The following EIF2AK4 variants were observed in gnomAD, a reference collection of about 807,000 sequenced individuals.
The protein encoded by EIF2AK4 is eukaryotic translation initiation factor 2 alpha kinase 4.
A neutral mutation model predicts 211.1 loss-of-function variants in EIF2AK4; 139 were observed. The observed-to-expected ratio is 0.66, with a 90% CI of 0.57 to 0.76. The LOEUF is 0.76. Among genes scored for constraint, EIF2AK4 ranks in the 30% least tolerant of loss-of-function variants. The probability of loss-of-function intolerance (pLI) is 0.00; values close to 1 mark genes in which losing one functional copy is unlikely to be tolerated. For synonymous variants in EIF2AK4, 710 were observed against 751.3 expected (o/e 0.94, Z 0.90); for missense variants, 1,664 against 2,043.8 (o/e 0.81, Z 3.58).
intron 2 of EIF2AK4, among the ~76,000 whole-genome samples, chr15:39,941,557 A>C (rs1261034090): frequency 6.6e-6 from 1 of 152,238 alleles, no homozygotes; most frequent in African/African-American, 2.4e-5. Flanking sequence ...ATAAAGAAAA[A>C]GGTATAAGTG....
intron 13 of EIF2AK4, among the ~76,000 whole-genome samples, chr15:39,978,558 G>A (rs1354902642): frequency 6.6e-6 from 1 of 152,144 alleles, no homozygotes; most frequent in African/African-American, 2.4e-5. Context: ...TATTTTCATA[G>A]ACCATCCTCT....
intron 2 of EIF2AK4, among the ~76,000 whole-genome samples, chr15:39,942,503 C>G (rs1017827628): frequency 6.6e-6 from 1 of 152,184 alleles, no homozygotes; most frequent in Admixed American, 6.5e-5. Flanking sequence ...AGTGCATACT[C>G]AAGACTTCAC....
chr15:40,002,243 T>C (rs1457707370), intron 21 of EIF2AK4: 2 of 152,478 alleles, frequency 1.3e-5, no homozygotes, highest in East Asian at 3.8e-4. Context: ...TTTTCTATAG[T>C]GAAATGGTAC....
At chr15:40,022,402 A>G in intron 31 of EIF2AK4, 117 bp from the exon 32 acceptor site, 2 of 866,386 alleles carry the variant, frequency 2.3e-6, no homozygotes, top group Non-Finnish European at 3.6e-6. Flanking sequence ...TGAAGTCAGC[A>G]TTTTAGTAAT....
chr15:40,023,126 T>C (rs763882241), intron 32 of EIF2AK4, among the ~76,000 whole-genome samples: 14 of 152,202 alleles, frequency 9.2e-5, no homozygotes, highest in African/African-American at 1.4e-4. Context: ...AAACTGGCTG[T>C]GGTTTTTTCC....
At chr15:39,952,420 C>T (rs1045435454) in intron 4 of EIF2AK4, among the ~76,000 whole-genome samples, 2 of 151,836 alleles carry the variant, frequency 1.3e-5, no homozygotes, top group African/African-American at 2.4e-5. Flanking sequence ...GGACTATAGC[C>T]GTACACCACT....
chr15:39,967,947 C>T (rs2034568635), intron 9 of EIF2AK4, 68 bp downstream of exon 9: 1 of 1,499,382 alleles, frequency 6.7e-7, no homozygotes, highest in Non-Finnish European at 9.1e-7. Context: ...TGGAGTGTGC[C>T]AGACATCTAA....
intron 13 of EIF2AK4, among the ~76,000 whole-genome samples, chr15:39,980,738 G>T (rs973516344): frequency 6.6e-6 from 1 of 152,098 alleles, no homozygotes; most frequent in Non-Finnish European, 1.5e-5. Context: ...ACCCATGCTG[G>T]AGTGCAGTGG....
Position 39,943,375 on chromosome 15 carries a change from T to C in EIF2AK4, c.258-8T>C. ...TCTTTTTTTTTTTTTTTTTTTTGCC[T>C]TTTCCAGAGTTCCTGAAATAGAGTT... is the stretch of plus-strand genomic sequence containing the variant. On this transcript the variant is annotated splice_polypyrimidine_tract_variant and splice_region_variant and intron_variant, in intron 2 of 38. Coordinates refer to ENST00000263791, the MANE Select transcript of EIF2AK4 (RefSeq NM_001013703.4). 7.6e-7 allele frequency: 1 copy of C among 1,308,610 alleles called. No homozygotes were observed. Among genetic ancestry groups the C allele is most frequent in the Non-Finnish European group, 1.0e-6 (1 of 964,450 alleles). The allele number at this position is 1,308,610 out of a possible 1,614,324, so 81.1% of individuals were successfully genotyped here.
intron 7 of EIF2AK4, among the ~76,000 whole-genome samples, chr15:39,963,598 G>A (rs1230637127): frequency 6.6e-6 from 1 of 151,996 alleles, no homozygotes; most frequent in Non-Finnish European, 1.5e-5. Flanking sequence ...AACAATATTT[G>A]TTTTTCATTT....
At chr15:40,004,571 T>C (rs2035134590) in intron 23 of EIF2AK4, among the ~76,000 whole-genome samples, 1 of 152,078 alleles carries the variant, frequency 6.6e-6, no homozygotes, top group Non-Finnish European at 1.5e-5. Context: ...TAGCCCAGTG[T>C]GGTGGCTCGT....
intron 1 of EIF2AK4, 133 bp downstream of exon 1, chr15:39,934,472 A>G: frequency 7.8e-7 from 1 of 1,279,754 alleles, no homozygotes; most frequent in Non-Finnish European, 1.0e-6. Context: ...GGTTCCACCC[A>G]TGCTCACTTT....
intron 32 of EIF2AK4, 76 bp downstream of exon 32, chr15:40,022,681 C>A (rs190548794): frequency 7.5e-7 from 1 of 1,332,076 alleles, no homozygotes; most frequent in Non-Finnish European, 1.1e-6. Flanking sequence ...CACTGAGGCC[C>A]GGGCCGTGTA....
intron 17 of EIF2AK4, 60 bp downstream of exon 17, chr15:39,992,289 T>C (rs950485779): frequency 4.9e-6 from 7 of 1,421,006 alleles, no homozygotes; most frequent in Non-Finnish European, 6.7e-6. Flanking sequence ...TTTCTTAACC[T>C]GAAACCTGTT....
chr15:39,959,100 G>T (rs560398680), intron 6 of EIF2AK4, among the ~76,000 whole-genome samples: 107 of 152,222 alleles, frequency 7.0e-4, no homozygotes, highest in Non-Finnish European at 1.2e-3. Context: ...CTGATAACAT[G>T]GGTGATATTT....
Position 40,017,139 on chromosome 15 carries a change from T to G in EIF2AK4, c.3962T>G (p.Val1321Gly). Reference protein sequence around the residue: ...VLINLGLVYKVQQHNGIIFQF... With the variant: ...VLINLGLVYKGQQHNGIIFQF... The stretch of plus-strand genomic sequence containing the variant: ...ATCAATTTGGGCTTGGTTTACAAGG[T>G]GCAGCAGCACAATGGAATCATCTTC... The change falls in exon 29 of 39, where the codon GTG becomes GGG. Residue 1321 changes from valine (V) to glycine (G), a missense_variant. Transcript: ENST00000263791. 1.2e-6 allele frequency: 2 copies of G among 1,614,032 alleles called. No homozygotes were observed. The highest frequency in any genetic ancestry group is 8.5e-7 in the Non-Finnish European group (1 of 1,179,900).
At chr15:40,002,850 G>C in intron 22 of EIF2AK4, 62 bp downstream of exon 22, 2 of 1,551,286 alleles carry the variant, frequency 1.3e-6, no homozygotes, top group Non-Finnish European at 1.8e-6. Flanking sequence ...TCATTAGAAA[G>C]TACTGTTAGT....
rs1376599000 is a variant in EIF2AK4 at position 40,009,637 on chromosome 15, G to A, written c.3600G>A (p.Leu1200=). Residue 1200 remains leucine (L), a synonymous_variant, in exon 26 of 39, where the codon TTG becomes TTA. Transcript: ENST00000263791. The stretch of plus-strand genomic sequence containing the variant: ...AGGAAAGAAATTACAGTATTTATTT[G>A]AACCATACCATGTTATTGAAAGCAA... ...ALQERNYSIY[L]NHTMLLKAIL... 1 of 1,599,874 alleles carries A rather than the reference G, an allele frequency of 6.3e-7. No homozygotes were observed. Among genetic ancestry groups the A allele is most frequent in the Admixed American group, 1.8e-5 (1 of 57,104 alleles).
chr15:39,974,024 C>T (rs971078438), intron 11 of EIF2AK4: 2 of 247,970 alleles, frequency 8.1e-6, no homozygotes, highest in Admixed American at 5.4e-5. Context: ...GAATCAAGAC[C>T]TCCACAGAAA....
Sources: gnomAD v4.1 joint callset for allele counts (sites outside exome capture counted in the v4.1 genomes callset) on GRCh38, gnomAD v4.1.1 for gene constraint, MANE v1.5 for transcripts, NCBI Gene and HGNC (gene_info 2026-07-23, HGNC 2026-07-21) for gene names.